Variants in PMFBP1 observed in about 807,000 individuals in gnomAD.
PMFBP1 encodes polyamine modulated factor 1 binding protein 1, also known as polyamine-modulated factor 1-binding protein 1.
PMFBP1 carries 131 observed loss-of-function variants against 137.8 expected under a neutral mutation model. That is an observed-to-expected ratio of 0.95 (90% CI 0.82 to 1.10). The LOEUF is 1.10. Among genes scored for constraint, PMFBP1 ranks in the 50% least tolerant of loss-of-function variants. The pLI is 0.00. For synonymous variants in PMFBP1, 490 were observed against 450.4 expected (o/e 1.09, Z -1.11); for missense variants, 1,199 against 1,175.4 (o/e 1.02, Z -0.29).
the PMFBP1 span, among the ~76,000 whole-genome samples, chr16:72,211,141 A>G: frequency 4.6e-5 from 7 of 152,164 alleles, no homozygotes; most frequent in South Asian, 6.4e-4. Context: ...GTCAGGCCCT[A>G]TGGCAACATA....
At chr16:72,188,366 CA>C in the PMFBP1 span, among the ~76,000 whole-genome samples, 1 of 152,188 alleles carries the variant, frequency 6.6e-6, no homozygotes, top group African/African-American at 2.4e-5. Context: ...TTTCCAAGGC[CA>C]GGGGGCACAG....
At chr16:72,142,007 G>A (rs1265371956) in intron 5 of PMFBP1, among the ~76,000 whole-genome samples, 6 of 95,052 alleles carry the variant, frequency 6.3e-5, no homozygotes, top group African/African-American at 2.0e-4. Context: ...GATATACATC[G>A]TGAAAAAAAA....
the PMFBP1 span, among the ~76,000 whole-genome samples, chr16:72,227,449 A>G: frequency 2.0e-5 from 3 of 152,324 alleles, no homozygotes; most frequent in East Asian, 5.8e-4. Flanking sequence ...AATTAAAACT[A>G]CCTACAGTTC....
chr16:72,142,464 G>T (rs1444925143), intron 5 of PMFBP1, among the ~76,000 whole-genome samples: 1 of 152,180 alleles, frequency 6.6e-6, no homozygotes, highest in Non-Finnish European at 1.5e-5. Context: ...TATGAAAAAT[G>T]AGAAACACAC....
At chr16:72,189,617 T>TA in the PMFBP1 span, among the ~76,000 whole-genome samples, 1 of 152,204 alleles carries the variant, frequency 6.6e-6, no homozygotes, top group Non-Finnish European at 1.5e-5. Flanking sequence ...GAAGTTCAAG[T>TA]AAGAAGAGGA....
At chr16:72,158,257 A>T (rs2043011475) in intron 3 of PMFBP1, among the ~76,000 whole-genome samples, 1 of 152,210 alleles carries the variant, frequency 6.6e-6, no homozygotes, top group Non-Finnish European at 1.5e-5. Context: ...AAGACACGCC[A>T]GTGTATGTGG....
At chr16:72,144,634 A>G (rs1165644846) in intron 5 of PMFBP1, among the ~76,000 whole-genome samples, 1 of 152,230 alleles carries the variant, frequency 6.6e-6, no homozygotes, top group Non-Finnish European at 1.5e-5. Flanking sequence ...TAAAGATAAA[A>G]ACATAAAAAT....
the PMFBP1 span, among the ~76,000 whole-genome samples, chr16:72,237,688 G>T: frequency 6.6e-6 from 1 of 152,082 alleles, no homozygotes; most frequent in African/African-American, 2.4e-5. Context: ...GTGCAGGTTT[G>T]TTGTATAGGT....
chr16:72,125,773 C>T (rs1393635048), intron 15 of PMFBP1, among the ~76,000 whole-genome samples, 195 bp downstream of exon 15: 1 of 152,202 alleles, frequency 6.6e-6, no homozygotes, highest in Admixed American at 6.5e-5. Flanking sequence ...TGTCCTCTTC[C>T]TCCGCCCTCC....
At chr16:72,123,484 AT>A (rs2042407301) in intron 18 of PMFBP1, 61 bp downstream of exon 18, 9 of 1,446,088 alleles carry the variant, frequency 6.2e-6, no homozygotes, top group Non-Finnish European at 8.7e-6. Flanking sequence ...TTTGGCACGC[AT>A]GTGGCTCCTC....
chr16:72,134,634 C>T (rs1035609361), intron 9 of PMFBP1, among the ~76,000 whole-genome samples: 1 of 152,218 alleles, frequency 6.6e-6, no homozygotes, highest in African/African-American at 2.4e-5. Flanking sequence ...CCTTGCCACC[C>T]TCACAACTCT....
the PMFBP1 span, among the ~76,000 whole-genome samples, chr16:72,213,286 C>A: frequency 2.0e-5 from 3 of 152,130 alleles, no homozygotes; most frequent in African/African-American, 7.2e-5. Flanking sequence ...TTCTATAATC[C>A]CCTCCTCTTG....
chr16:72,132,624 G>T lies in PMFBP1; in HGVS notation c.1447+124C>A, dbSNP rs368162479. The T allele has an allele frequency of 5.7e-5, 84 of 1,466,078 alleles. 2 individuals carry two copies. The highest frequency in any genetic ancestry group is 5.5e-4 in the Admixed American group (28 of 50,696). 90.8% of individuals were successfully genotyped at this position (1,466,078 alleles called of 1,614,324 possible). On this transcript the variant is annotated intron_variant, in intron 10 of 20. Coordinates refer to ENST00000237353, the MANE Select transcript of PMFBP1 (RefSeq NM_031293.3). The stretch of plus-strand genomic sequence containing the variant: ...AGGTATAGGATGAGGCCCTGAGAAG[G>T]TCTGCAGTGAGACACTGGAGGAGGG...
rs2042397151 is a variant in PMFBP1 at position 72,122,932 on chromosome 16, T to C, written c.2750A>G (p.Lys917Arg). Reference protein sequence around the residue: ...QLREQVKYIAKLSGEKDHLHS... With the variant: ...QLREQVKYIARLSGEKDHLHS... ...GACTTACTCCTTTTCGCCACTCAGCTTGGCAATGTATTTCACCTGCTCTCG... is the reference window on the plus strand; with the variant it reads ...GACTTACTCCTTTTCGCCACTCAGCCTGGCAATGTATTTCACCTGCTCTCG... Residue 917 changes from lysine to arginine, a missense_variant, in exon 19 of 21, where the codon AAG (lysine) becomes AGG (arginine). Lys to Arg is a conservative substitution (Grantham distance 26, BLOSUM62 2). Transcript: ENST00000237353. 6.2e-7 allele frequency: 1 copy of C among 1,613,480 alleles called. No individual in the cohort carries two copies. The highest frequency in any genetic ancestry group is 8.5e-7 in the Non-Finnish European group (1 of 1,179,938).
the PMFBP1 span, among the ~76,000 whole-genome samples, chr16:72,220,795 G>T: frequency 3.9e-5 from 6 of 152,144 alleles, no homozygotes; most frequent in Admixed American, 2.6e-4. Context: ...AGGGGACCCA[G>T]GGCTCTGAAC....
upstream of PMFBP1, among the ~76,000 whole-genome samples, chr16:72,177,404 C>A (rs1398484709): frequency 6.6e-6 from 1 of 152,162 alleles, no homozygotes; most frequent in Non-Finnish European, 1.5e-5. Context: ...AGCCCTTTTC[C>A]CATACCTCTT....
intron 14 of PMFBP1, among the ~76,000 whole-genome samples, chr16:72,126,606 CAG>C (rs1555542533): frequency 6.6e-6 from 1 of 152,220 alleles, no homozygotes; most frequent in Non-Finnish European, 1.5e-5. Context: ...TGCTGTAACT[CAG>C]GGCATGGCAC....
intron 6 of PMFBP1, among the ~76,000 whole-genome samples, chr16:72,140,024 A>G (rs2042692401): frequency 6.6e-6 from 1 of 152,216 alleles, no homozygotes; most frequent in Non-Finnish European, 1.5e-5. Flanking sequence ...TATACATGGA[A>G]TTCTGCAACT....
the PMFBP1 span, among the ~76,000 whole-genome samples, chr16:72,189,459 G>A: frequency 1.3e-5 from 2 of 152,234 alleles, no homozygotes; most frequent in Admixed American, 1.3e-4. Context: ...TCTGGGGTGT[G>A]AGTGCCAATC....
Sources: allele counts gnomAD v4.1 joint callset (sites outside exome capture counted in the v4.1 genomes callset), GRCh38; gene constraint gnomAD v4.1.1; transcripts MANE v1.5; gene names NCBI Gene and HGNC (gene_info 2026-07-23, HGNC 2026-07-21).